TENM2: variants seen among roughly 807,000 people sequenced by gnomAD.
The protein encoded by TENM2 is teneurin-2.
In TENM2, 52 loss-of-function variants were observed where a neutral mutation model predicts 245.2. The ratio of observed to expected loss-of-function variants is 0.21; its 90% CI spans 0.17 to 0.27. The LOEUF is 0.27. Among genes scored for constraint, TENM2 ranks in the 10% least tolerant of loss-of-function variants. TENM2 has a pLI of 1.00. For synonymous variants in TENM2, 1,363 were observed against 1,438.9 expected, an observed-to-expected ratio of 0.95 and a Z score of 1.19; for missense variants, 3,046 against 3,666.8, an observed-to-expected ratio of 0.83 and a Z score of 4.37.
intron 12 of TENM2, among the ~76,000 whole-genome samples, chr5:168,151,823 C>A (rs2152425973): frequency 6.6e-6 from 1 of 152,346 alleles, no homozygotes; most frequent in South Asian, 2.1e-4. Flanking sequence ...CCCTTGGGGG[C>A]CTTCATCTCT....
At chr5:167,408,918 T>C (rs571900526) in intron 2 of TENM2, among the ~76,000 whole-genome samples, 1 of 150,476 alleles carries the variant, frequency 6.6e-6, no homozygotes, top group Admixed American at 6.6e-5. Flanking sequence ...CTGTATGCTT[T>C]CCATGTATTT....
chr5:167,261,821 G>T, the TENM2 span, among the ~76,000 whole-genome samples: 1 of 151,982 alleles, frequency 6.6e-6, no homozygotes, highest in Non-Finnish European at 1.5e-5. Context: ...CCCTCTAATT[G>T]CTCTCATTTG....
At chr5:168,219,989 T>C (rs951218010) in intron 23 of TENM2, among the ~76,000 whole-genome samples, 1 of 152,150 alleles carries the variant, frequency 6.6e-6, no homozygotes, top group Non-Finnish European at 1.5e-5. Context: ...TTTAGTGCAT[T>C]GCAGAAGAAT....
intron 6 of TENM2, among the ~76,000 whole-genome samples, chr5:168,059,014 ATCTG>A (rs2152083848): frequency 6.6e-6 from 1 of 152,316 alleles, no homozygotes; most frequent in South Asian, 2.1e-4. Context: ...ACACAGTTCT[ATCTG>A]ACTTCTGTAC....
At chr5:167,084,449 A>T in the TENM2 span, among the ~76,000 whole-genome samples, 3 of 148,130 alleles carry the variant, frequency 2.0e-5, no homozygotes, top group African/African-American at 7.4e-5. Flanking sequence ...CAACACCAGC[A>T]ACCATAACAA....
chr5:167,034,401 C>G, the TENM2 span, among the ~76,000 whole-genome samples: 2,558 of 152,124 alleles, frequency 0.017, 26 homozygotes, highest in Non-Finnish European at 0.024. Context: ...GAGGCCGAGG[C>G]GGGTGGATCA....
chr5:168,103,420 A>G (rs943811719), intron 9 of TENM2, among the ~76,000 whole-genome samples: 3 of 152,146 alleles, frequency 2.0e-5, no homozygotes, highest in African/African-American at 7.2e-5. Flanking sequence ...CTCATCCAGG[A>G]TCCCACATTG....
intron 2 of TENM2, among the ~76,000 whole-genome samples, chr5:167,829,295 C>A (rs1185007647): frequency 6.6e-6 from 1 of 152,234 alleles, no homozygotes; most frequent in Non-Finnish European, 1.5e-5. Context: ...AAAGAAACTG[C>A]CTCATGTTCC....
chr5:167,794,946 G>A (rs956434752), intron 2 of TENM2, among the ~76,000 whole-genome samples: 7 of 152,168 alleles, frequency 4.6e-5, no homozygotes, highest in Admixed American at 1.3e-4. Context: ...GGGAGACTGG[G>A]TGAAGGTTTC....
intron 2 of TENM2, among the ~76,000 whole-genome samples, chr5:167,823,299 T>G (rs1222919001): frequency 1.3e-5 from 2 of 152,164 alleles, no homozygotes; most frequent in Non-Finnish European, 2.9e-5. Flanking sequence ...CAAAAATTGA[T>G]GTTTGGGCAG....
chr5:167,819,778 G>C (rs1325383189), intron 2 of TENM2, among the ~76,000 whole-genome samples: 1 of 152,178 alleles, frequency 6.6e-6, no homozygotes, highest in Non-Finnish European at 1.5e-5. Context: ...CTGAAGAGGA[G>C]ACTTGAGGAC....
the TENM2 span, among the ~76,000 whole-genome samples, chr5:167,172,114 T>C: frequency 6.6e-6 from 1 of 152,154 alleles, no homozygotes; most frequent in Non-Finnish European, 1.5e-5. Context: ...GCAGGAGTGG[T>C]GTTCAAAGTG....
At chr5:168,188,364 C>T (rs559944609) in intron 13 of TENM2, among the ~76,000 whole-genome samples, 1 of 152,252 alleles carries the variant, frequency 6.6e-6, no homozygotes, top group African/African-American at 2.4e-5. Flanking sequence ...GAGGTGCAAG[C>T]AAGTTATTCT....
chr5:167,574,282 T>C (rs1460447041), intron 2 of TENM2, among the ~76,000 whole-genome samples: 1 of 152,198 alleles, frequency 6.6e-6, no homozygotes, highest in Non-Finnish European at 1.5e-5. Context: ...ATGAGAAAGA[T>C]GATTTTGATC....
At chr5:168,030,071 A>C (rs1786976856) in intron 5 of TENM2, among the ~76,000 whole-genome samples, 1 of 150,214 alleles carries the variant, frequency 6.7e-6, no homozygotes, top group South Asian at 2.1e-4. Context: ...GAATGGACAC[A>C]GGGCAGGTAC....
chr5:167,847,336 A>G (rs1265501035), intron 2 of TENM2, among the ~76,000 whole-genome samples: 2 of 152,196 alleles, frequency 1.3e-5, no homozygotes, highest in Non-Finnish European at 2.9e-5. Context: ...GCCTCCACCC[A>G]CAGTGAACTC....
intron 2 of TENM2, among the ~76,000 whole-genome samples, chr5:167,682,127 T>A (rs1756767067): frequency 8.8e-6 from 1 of 113,540 alleles, no homozygotes. Flanking sequence ...CCTCCCTCCC[T>A]GCCTGCCTGC....
the TENM2 span, among the ~76,000 whole-genome samples, chr5:167,267,981 T>C: frequency 6.6e-6 from 1 of 152,206 alleles, no homozygotes; most frequent in Admixed American, 6.5e-5. Flanking sequence ...CTCAAATTCT[T>C]ACTCCTTACT....
intron 2 of TENM2, among the ~76,000 whole-genome samples, chr5:167,775,754 G>C: frequency 6.6e-6 from 1 of 151,828 alleles, no homozygotes; most frequent in East Asian, 1.9e-4. Flanking sequence ...GCATATACAA[G>C]TGAATACAAT....
Sources: allele counts gnomAD v4.1 joint callset (sites outside exome capture counted in the v4.1 genomes callset), GRCh38; gene constraint gnomAD v4.1.1; transcripts MANE v1.5; gene names NCBI Gene and HGNC (gene_info 2026-07-23, HGNC 2026-07-21).